NAALADL2: variants seen among roughly 807,000 people sequenced by gnomAD.
NAALADL2 encodes N-acetylated alpha-linked acidic dipeptidase like 2.
Under a neutral mutation model 87.2 loss-of-function variants are expected in NAALADL2, and 76 were observed. The ratio of observed to expected loss-of-function variants is 0.87; its 90% confidence interval spans 0.72 to 1.05. The LOEUF (loss-of-function observed/expected upper bound fraction) is 1.05. NAALADL2 is among the 50% of genes least tolerant of loss of function. The probability of loss-of-function intolerance (pLI) is 0.00; values close to 1 mark genes in which losing one functional copy is unlikely to be tolerated. For synonymous variants in NAALADL2, 354 were observed against 331.0 expected (o/e 1.07, Z -0.75); for missense variants, 1,089 against 945.8 (o/e 1.15, Z -1.99).
intron 11 of NAALADL2, among the ~76,000 whole-genome samples, chr3:175,671,379 A>AC (rs1043073254): frequency 6.6e-6 from 1 of 151,940 alleles, no homozygotes; most frequent in Non-Finnish European, 1.5e-5. Context: ...TTTATAAACA[A>AC]CCCAGTGCCT....
chr3:175,433,768 A>T (rs1718175450), intron 5 of NAALADL2, among the ~76,000 whole-genome samples: 1 of 152,024 alleles, frequency 6.6e-6, no homozygotes, highest in African/African-American at 2.4e-5. Flanking sequence ...CATCCAAAAC[A>T]ACTTACCAAA....
rs200735219 is a variant in NAALADL2, at chr3:174,475,553, C to CAT, written c.-184+34521_-184+34522insAT. On this transcript the variant is annotated intron_variant, in intron 1 of 3. Coordinates refer to the NAALADL2 transcript ENST00000434257. ...TTCTAATTAATCTTGCAAACTGTAA[C>CAT]GTGTAAGAATCACATACTCTGAAAT... Among the ~76,000 whole-genome samples, 288 of 151,872 alleles carry CAT rather than the reference C, an allele frequency of 1.9e-3. 1 individual carries two copies. Among genetic ancestry groups the CAT allele is most frequent in the African/African-American group, 6.7e-3 (276 of 41,480 alleles).
At chr3:175,669,216 A>G (rs548517093) in intron 11 of NAALADL2, among the ~76,000 whole-genome samples, 45 of 152,256 alleles carry the variant, frequency 3.0e-4, no homozygotes, top group Non-Finnish European at 4.3e-4. Flanking sequence ...TCATTAATAC[A>G]TATGATTTTC....
chr3:174,527,216 T>G (rs369493820), intron 1 of NAALADL2, among the ~76,000 whole-genome samples: 1 of 152,024 alleles, frequency 6.6e-6, no homozygotes, highest in African/African-American at 2.4e-5. Flanking sequence ...CAGACATATA[T>G]CAGTGATAGA....
rs1409644397 is a variant in NAALADL2 at position 175,787,049 on chromosome 3, TGAG to T, written c.2190-15951_2190-15949del. On this transcript the variant is annotated intron_variant, in intron 13 of 13. Transcript: ENST00000454872. ...GTTGGTCAGGGGTCAGGGACCCACTTGAGGAGGCAGTCTGCCTGTTCTCAGATC... is the reference window on the plus strand; with the variant it reads ...GTTGGTCAGGGGTCAGGGACCCACTTGAGGCAGTCTGCCTGTTCTCAGATC... Among the ~76,000 whole-genome samples, 295 of 152,054 alleles carry T rather than the reference TGAG, an allele frequency of 1.9e-3. 1 individual carries two copies. The highest frequency in any genetic ancestry group is 6.6e-3 in the African/African-American group (275 of 41,492).
At chr3:174,802,764 A>G (rs1316950696) in intron 3 of NAALADL2, among the ~76,000 whole-genome samples, 1 of 152,132 alleles carries the variant, frequency 6.6e-6, no homozygotes, top group Non-Finnish European at 1.5e-5. Context: ...CAGTTTGCTT[A>G]GAATGATGGT....
intron 1 of NAALADL2, among the ~76,000 whole-genome samples, chr3:175,082,282 G>C (rs1718018197): frequency 6.6e-6 from 1 of 152,174 alleles, no homozygotes. Context: ...GGGTCTTGTG[G>C]ATTCAAGTGG....
chr3:175,148,120 TAATAA>T, intron 2 of NAALADL2, among the ~76,000 whole-genome samples: 1 of 146,032 alleles, frequency 6.8e-6, no homozygotes, highest in East Asian at 2.0e-4. Context: ...ATAATAATAA[TAATAA>T]AATAATAATA....
At chr3:174,544,063 C>A (rs1168340397) in intron 1 of NAALADL2, among the ~76,000 whole-genome samples, 1 of 151,476 alleles carries the variant, frequency 6.6e-6, no homozygotes, top group African/African-American at 2.4e-5. Context: ...AAACAAAAAA[C>A]CCCAGCAACC....
chr3:174,660,971 C>T (rs926799969), intron 2 of NAALADL2, among the ~76,000 whole-genome samples: 8 of 152,098 alleles, frequency 5.3e-5, no homozygotes, highest in African/African-American at 1.9e-4. Flanking sequence ...TAGTGAAACA[C>T]TTATGTACAA....
chr3:175,032,055 C>T (rs1034958364), intron 1 of NAALADL2, among the ~76,000 whole-genome samples: 4 of 151,910 alleles, frequency 2.6e-5, no homozygotes, highest in Non-Finnish European at 5.9e-5. Flanking sequence ...TTCTCCCATT[C>T]TTTATGTTGT....
intron 13 of NAALADL2, among the ~76,000 whole-genome samples, chr3:175,759,075 CAG>C (rs1348323559): frequency 1.3e-5 from 2 of 152,178 alleles, no homozygotes; most frequent in Admixed American, 1.3e-4. Context: ...GATCTGGAAA[CAG>C]AGGATTCAAA....
rs1045259098 is a variant in NAALADL2 at position 175,698,465 on chromosome 3, A to G, written c.1897-38841A>G. On this transcript the variant is annotated intron_variant, in intron 11 of 13. Coordinates refer to ENST00000454872, the MANE Select transcript of NAALADL2 (RefSeq NM_207015.3). ...TATGTATGTATACATATATGTGTAT[A>G]TATGTGTGTATATATATTTATATAT... 8.7e-5 allele frequency among the ~76,000 whole-genome samples: 11 copies of G among 126,950 alleles called. 1 individual carries two copies. The East Asian group carries it at 2.3e-3, about 26-fold the overall frequency. 83.3% of individuals were successfully genotyped at this position (126,950 alleles called of 152,430 possible).
chr3:175,801,820 A>G (rs1410689945), intron 13 of NAALADL2, among the ~76,000 whole-genome samples: 9 of 152,124 alleles, frequency 5.9e-5, no homozygotes, highest in African/African-American at 1.7e-4. Flanking sequence ...AAATGCATCT[A>G]TTTGTATCTA....
rs567619024 is a variant in NAALADL2, at chr3:175,268,324, A to G, written c.939+11794A>G. 7.0e-4 allele frequency among the ~76,000 whole-genome samples: 106 copies of G among 152,280 alleles called. 1 individual carries two copies. The highest frequency in any genetic ancestry group is 1.8e-3 in the Admixed American group (28 of 15,278). Reference sequence around the variant, plus strand: ...TAAACATAGAAAAAGTACAGTAAAAATATGATATAAGAGACAAAAACTGGT... The same window carrying G: ...TAAACATAGAAAAAGTACAGTAAAAGTATGATATAAGAGACAAAAACTGGT... On this transcript the variant is annotated intron_variant, in intron 4 of 13. Coordinates refer to ENST00000454872, the MANE Select transcript of NAALADL2 (RefSeq NM_207015.3).
At chr3:174,819,459 G>A (rs570794967) in intron 3 of NAALADL2, among the ~76,000 whole-genome samples, 4 of 151,780 alleles carry the variant, frequency 2.6e-5, no homozygotes, top group Admixed American at 6.6e-5. Flanking sequence ...AAGTAAATAC[G>A]ATGTAACATA....
intron 3 of NAALADL2, among the ~76,000 whole-genome samples, chr3:175,246,851 G>A (rs755125786): frequency 6.6e-6 from 1 of 152,184 alleles, no homozygotes; most frequent in Admixed American, 6.5e-5. Context: ...TTAGGGAAAA[G>A]CAAGAGAAAA....
At chr3:175,722,133 A>G (rs1336211204) in intron 11 of NAALADL2, among the ~76,000 whole-genome samples, 1 of 152,056 alleles carries the variant, frequency 6.6e-6, no homozygotes, top group East Asian at 1.9e-4. Context: ...CCAAAAATCT[A>G]TGTGATGTTT....
intron 1 of NAALADL2, among the ~76,000 whole-genome samples, chr3:174,960,243 C>T (rs1741779466): frequency 6.6e-6 from 1 of 152,010 alleles, no homozygotes; most frequent in South Asian, 2.1e-4. Flanking sequence ...AAATTAGGTG[C>T]TTAGAAGATT....
Sources: gnomAD v4.1 joint callset for allele counts (sites outside exome capture counted in the v4.1 genomes callset) on GRCh38, gnomAD v4.1.1 for gene constraint, MANE v1.5 for transcripts, NCBI Gene and HGNC (gene_info 2026-07-23, HGNC 2026-07-21) for gene names.